Variants in IGSF5 observed in about 807,000 individuals in gnomAD.
IGSF5 encodes the protein immunoglobulin superfamily member 5, also known as immunoglobulin superfamily 5 like.
A neutral mutation model predicts 39.4 loss-of-function variants in IGSF5; 41 were observed. The observed-to-expected ratio is 1.04, with a 90% CI of 0.81 to 1.35. The LOEUF is 1.35. Among genes scored for constraint, IGSF5 ranks in the 40% most tolerant of loss-of-function variants. IGSF5 has a pLI of 0.00. For synonymous variants in IGSF5, 183 were observed against 175.3 expected (o/e 1.04, Z -0.34); for missense variants, 487 against 494.6 (o/e 0.98, Z 0.15).
intron 5 of IGSF5, among the ~76,000 whole-genome samples, chr21:39,787,039 C>T (rs895463731): frequency 2.4e-4 from 36 of 152,018 alleles, no homozygotes; most frequent in Non-Finnish European, 4.4e-4. Flanking sequence ...AGCGCACCAG[C>T]ATGTCACATG....
chr21:39,717,607 G>T, the IGSF5 span, among the ~76,000 whole-genome samples: 24 of 152,062 alleles, frequency 1.6e-4, no homozygotes, highest in African/African-American at 5.6e-4. Context: ...AGTCTTTTCC[G>T]CATTGCTTGC....
chr21:39,799,386 T>G (rs1235538671), intron 8 of IGSF5, among the ~76,000 whole-genome samples: 1 of 152,130 alleles, frequency 6.6e-6, no homozygotes, highest in Non-Finnish European at 1.5e-5. Context: ...ACACACTGGG[T>G]TCTTGTTAAA....
At chr21:39,793,645 T>A in intron 8 of IGSF5, 32 bp downstream of exon 8, 1 of 1,560,628 alleles carries the variant, frequency 6.4e-7, no homozygotes, top group Non-Finnish European at 8.8e-7. Flanking sequence ...CTTTTTGGAC[T>A]TTTTTGGCTA....
intron 8 of IGSF5, among the ~76,000 whole-genome samples, chr21:39,797,813 A>G (rs2087005983): frequency 1.3e-5 from 2 of 152,204 alleles, no homozygotes; most frequent in Admixed American, 1.3e-4. Context: ...GAGCCACTGC[A>G]CCTGACCCCT....
intron 4 of IGSF5, among the ~76,000 whole-genome samples, chr21:39,777,264 A>G (rs1006785706): frequency 6.6e-6 from 1 of 152,170 alleles, no homozygotes; most frequent in South Asian, 2.1e-4. Context: ...GCATCCTGTC[A>G]TGTCGTGGGT....
intron 6 of IGSF5, chr21:39,791,710 A>G: frequency 6.9e-6 from 2 of 291,014 alleles, no homozygotes; most frequent in Non-Finnish European, 1.3e-5. Flanking sequence ...CCTGTGGGTC[A>G]TAGCTTGCTG....
chr21:39,740,721 G>T (rs1024499077), upstream of IGSF5, among the ~76,000 whole-genome samples: 1 of 152,304 alleles, frequency 6.6e-6, no homozygotes. Flanking sequence ...GCAATTACTT[G>T]TTGACAGTTA....
chr21:39,782,252 A>G (rs11910803), intron 5 of IGSF5, among the ~76,000 whole-genome samples: 1,906 of 152,238 alleles, frequency 0.013, 37 homozygotes, highest in African/African-American at 0.044. Flanking sequence ...GTATGTTTTA[A>G]TGTCTCCTTG....
In IGSF5 at chr21:39,771,028, G is replaced by A; in HGVS notation, c.531G>A (p.Glu177=). 1 of 1,613,670 alleles carries A rather than the reference G, an allele frequency of 6.2e-7. No homozygotes were observed. The highest frequency in any genetic ancestry group is 8.5e-7 in the Non-Finnish European group (1 of 1,179,838). The change falls in exon 4 of 9, where the codon GAG becomes GAA. Residue 177 remains glutamate, a synonymous_variant. Coordinates refer to ENST00000380588, the MANE Select transcript of IGSF5 (RefSeq NM_001080444.2). ...CCCGGCTCCCGGATATTTCCTGGGA[G>A]CTCGGTCTCCTGGTCAGCCATTCAA... The part of the protein sequence containing the change: ...HWTRLPDISW[E]LGLLVSHSSY...
chr21:39,734,876 T>C, the IGSF5 span, among the ~76,000 whole-genome samples: 2 of 152,276 alleles, frequency 1.3e-5, no homozygotes, highest in African/African-American at 4.8e-5. Flanking sequence ...TAATCTTTTT[T>C]TTTTTGAGAT....
At chr21:39,787,106 T>TA (rs568147902) in intron 5 of IGSF5, among the ~76,000 whole-genome samples, 24 of 149,418 alleles carry the variant, frequency 1.6e-4, no homozygotes, top group Middle Eastern at 3.4e-3. Context: ...CTTAAAGTAT[T>TA]AAAAAAAAAA....
At chr21:39,730,308 TG>T in the IGSF5 span, 13 of 152,306 alleles carry the variant, frequency 8.5e-5, no homozygotes, top group African/African-American at 3.1e-4. Context: ...ACAATCACAT[TG>T]TCCTTAGTCA....
chr21:39,716,190 A>G, the IGSF5 span, among the ~76,000 whole-genome samples: 2 of 152,166 alleles, frequency 1.3e-5, no homozygotes, highest in African/African-American at 2.4e-5. Flanking sequence ...GCCCTCCCTC[A>G]TGACTCGTCC....
intron 5 of IGSF5, among the ~76,000 whole-genome samples, chr21:39,786,020 G>A (rs1361359112): frequency 6.6e-6 from 1 of 152,190 alleles, no homozygotes; most frequent in South Asian, 2.1e-4. Flanking sequence ...GAAAACCTAG[G>A]CATTACCATT....
In IGSF5 at chr21:39,765,871, T is replaced by C; in HGVS notation, c.418+19T>C. 1 of 1,599,820 alleles carries C rather than the reference T, an allele frequency of 6.3e-7. No individual in the cohort carries two copies. Among genetic ancestry groups the C allele is most frequent in the Non-Finnish European group, 8.6e-7 (1 of 1,169,140 alleles). On this transcript the variant is annotated intron_variant, in intron 3 of 8. Coordinates refer to ENST00000380588, the MANE Select transcript of IGSF5 (RefSeq NM_001080444.2). ...GTCCAAGGTGTGTATGCAGGTGGCT[T>C]CTGAAGTCCATCAGGTTAAATGTCA...
the IGSF5 span, among the ~76,000 whole-genome samples, chr21:39,733,621 A>T: frequency 1.3e-5 from 2 of 152,230 alleles, no homozygotes; most frequent in Non-Finnish European, 2.9e-5. Flanking sequence ...GAAGAGCTCC[A>T]CAATTAGAAA....
chr21:39,725,480 C>T, the IGSF5 span, among the ~76,000 whole-genome samples: 2 of 152,182 alleles, frequency 1.3e-5, no homozygotes, highest in Admixed American at 1.3e-4. Flanking sequence ...CCTCTTTCTT[C>T]TTCTTGGATT....
intron 5 of IGSF5, among the ~76,000 whole-genome samples, chr21:39,783,694 C>T (rs770128237): frequency 2.6e-5 from 4 of 152,114 alleles, no homozygotes; most frequent in Non-Finnish European, 5.9e-5. Flanking sequence ...TTGATTGTTT[C>T]TTTTGCTGTG....
Position 39,746,241 on chromosome 21 carries a change from C to A in IGSF5, c.43C>A (p.Leu15Met), listed in dbSNP as rs1325179341. Residue 15 changes from leucine (L) to methionine (M), a missense_variant, in exon 2 of 9, where the codon CTG becomes ATG. Physicochemically the swap from Leu to Met is conservative, Grantham distance 15 (BLOSUM62 2). Transcript: ENST00000380588. ...GAGCACAGCAGATACTCTGCCGGAT[C>A]TGGAGGAATGGAAGTCAGCGGCGGG... ...ERSTADTLPD[L>M]EEWKSAAGLR... 2.8e-6 allele frequency: 2 copies of A among 701,872 alleles called. No homozygotes were observed. Among genetic ancestry groups the A allele is most frequent in the Admixed American group, 2.0e-5 (1 of 49,998 alleles). 43.5% of individuals were successfully genotyped at this position (701,872 alleles called of 1,614,324 possible).
Sources: allele counts gnomAD v4.1 joint callset (sites outside exome capture counted in the v4.1 genomes callset), GRCh38; gene constraint gnomAD v4.1.1; transcripts MANE v1.5; gene names NCBI Gene and HGNC (gene_info 2026-07-23, HGNC 2026-07-21).